The following KCNG2 variants were observed in gnomAD, a reference collection of about 807,000 sequenced individuals.
The protein encoded by KCNG2 is potassium voltage-gated channel modifier subfamily G member 2, also known as voltage-gated potassium channel regulatory subunit KCNG2.
Under a neutral mutation model 12.3 loss-of-function variants are expected in KCNG2, and 7 were observed. That is an observed-to-expected ratio of 0.57 (90% CI 0.32 to 1.07). The LOEUF (loss-of-function observed/expected upper bound fraction) is 1.07. Among genes scored for constraint, KCNG2 ranks in the 50% least tolerant of loss-of-function variants. KCNG2 has a pLI of 0.04. For synonymous variants in KCNG2, 414 were observed against 351.4 expected, an observed-to-expected ratio of 1.18 and a Z score of -1.99; for missense variants, 703 against 726.0, an observed-to-expected ratio of 0.97 and a Z score of 0.36.
intron 3 of KCNG2, among the ~76,000 whole-genome samples, chr18:79,874,076 G>A (rs1979971154): frequency 6.6e-6 from 1 of 152,224 alleles, no homozygotes; most frequent in Non-Finnish European, 1.5e-5. Context: ...CCAGGCAGGC[G>A]CTGTCTCCTG....
At chr18:79,892,546 G>A (rs1980779889) in intron 3 of KCNG2, among the ~76,000 whole-genome samples, 1 of 152,178 alleles carries the variant, frequency 6.6e-6, no homozygotes, top group African/African-American at 2.4e-5. Flanking sequence ...ATATAGTTGG[G>A]TCTGTGTCTG....
intron 1 of KCNG2, among the ~76,000 whole-genome samples, chr18:79,835,925 T>C (rs1978321663): frequency 6.6e-6 from 1 of 152,180 alleles, no homozygotes; most frequent in Non-Finnish European, 1.5e-5. Context: ...AATTGTCAAA[T>C]AGTGAAGTAA....
intron 1 of KCNG2, among the ~76,000 whole-genome samples, chr18:79,806,394 A>T (rs1333966224): frequency 6.6e-6 from 1 of 152,130 alleles, no homozygotes. Context: ...TGGGGCCATC[A>T]GCAAGCCCCC....
rs2087476982 is a variant in KCNG2 at position 79,809,530 on chromosome 18, G to A, written c.-115+11516G>A. Reference sequence around the variant, plus strand: ...TCTGAGGAGCTGCCGGGGCCGCGCTGACCACACTCCACGTTACCGGCCCAG... The same window carrying A: ...TCTGAGGAGCTGCCGGGGCCGCGCTAACCACACTCCACGTTACCGGCCCAG... On this transcript the variant is annotated intron_variant, in intron 1 of 3. Transcript: ENST00000316249. 1.9e-5 allele frequency among the ~76,000 whole-genome samples: 2 copies of A among 103,444 alleles called. 1 individual carries two copies. Among genetic ancestry groups the A allele is most frequent in the African/African-American group, 7.7e-5 (2 of 26,104 alleles). 67.9% of individuals were successfully genotyped at this position (103,444 alleles called of 152,430 possible).
chr18:79,867,776 CG>C (rs1197610139), intron 3 of KCNG2, among the ~76,000 whole-genome samples: 1 of 152,006 alleles, frequency 6.6e-6, no homozygotes, highest in Non-Finnish European at 1.5e-5. Flanking sequence ...AGGTGGGGGT[CG>C]GGCACCCCTC....
At chr18:79,897,809 C>T (rs780308260) in intron 3 of KCNG2, among the ~76,000 whole-genome samples, 3 of 152,102 alleles carry the variant, frequency 2.0e-5, no homozygotes, top group Admixed American at 1.3e-4. Flanking sequence ...GCAACAGTCT[C>T]GGTGTCGAAG....
Position 79,899,919 on chromosome 18 carries a change from C to A in KCNG2, c.*103C>A. The A allele has an allele frequency of 1.8e-6, 2 of 1,105,712 alleles. No homozygotes were observed. Among genetic ancestry groups the A allele is most frequent in the Admixed American group, 8.7e-5 (2 of 22,976 alleles). 68.5% of individuals were successfully genotyped at this position (1,105,712 alleles called of 1,614,324 possible). On this transcript the variant is annotated 3_prime_UTR_variant, in exon 4 of 4. Transcript: ENST00000316249. ...GGGGGCGTCTGGCCTGGGGGAGCGG[C>A]TCCTGCCGGCCGCGTCCTCGGCCCT...
rs1446682479 is a variant in KCNG2 at position 79,798,031 on chromosome 18, C to T, written c.-115+17C>T. 1.6e-5 allele frequency among the ~76,000 whole-genome samples: 2 copies of T among 125,972 alleles called. No homozygotes were observed. The highest frequency in any genetic ancestry group is 3.4e-5 in the Non-Finnish European group (2 of 58,820). 82.6% of individuals were successfully genotyped at this position (125,972 alleles called of 152,430 possible). ...GGACCGCAGGTAAAGTTGAGCGCGC[C>T]GTGGGGCCGGGGGTGGGGGGTCCGC... On this transcript the variant is annotated intron_variant, in intron 1 of 3. Coordinates refer to ENST00000316249, the MANE Select transcript of KCNG2 (RefSeq NM_012283.2).
At chr18:79,893,323 T>C (rs1980816177) in intron 3 of KCNG2, among the ~76,000 whole-genome samples, 1 of 152,074 alleles carries the variant, frequency 6.6e-6, no homozygotes, top group South Asian at 2.1e-4. Flanking sequence ...TTTGACTGGG[T>C]TGTTCACTCC....
At chr18:79,818,327 C>T (rs1051600717) in intron 1 of KCNG2, among the ~76,000 whole-genome samples, 6 of 152,240 alleles carry the variant, frequency 3.9e-5, no homozygotes, top group East Asian at 1.9e-4. Context: ...CCAAGAGGGG[C>T]GTGGAGGCTG....
intron 1 of KCNG2, among the ~76,000 whole-genome samples, chr18:79,845,082 G>T (rs1426016016): frequency 6.6e-6 from 1 of 152,160 alleles, no homozygotes; most frequent in African/African-American, 2.4e-5. Flanking sequence ...ATACTACTCT[G>T]CAGTAAAAAG....
chr18:79,806,089 C>T lies in KCNG2; in HGVS notation c.-115+8075C>T, dbSNP rs2087447435. Among the ~76,000 whole-genome samples the T allele has an allele frequency of 2.6e-5, 4 of 152,224 alleles. No homozygotes were observed. The South Asian group carries it at 8.3e-4, about 31-fold the overall frequency. ...CACAGGTGGTGGGAGTCTGTCCTCT[C>T]CCTGCCAGGGTGCAGGACAGCAGGT... is the stretch of plus-strand genomic sequence containing the variant. On this transcript the variant is annotated intron_variant, in intron 1 of 3. Coordinates refer to ENST00000316249, the MANE Select transcript of KCNG2 (RefSeq NM_012283.2).
intron 1 of KCNG2, among the ~76,000 whole-genome samples, chr18:79,833,969 G>A (rs1568250585): frequency 6.6e-6 from 1 of 152,248 alleles, no homozygotes; most frequent in Non-Finnish European, 1.5e-5. Flanking sequence ...CACAGCTCCT[G>A]AGACAGGGCA....
intron 3 of KCNG2, chr18:79,876,193 A>G (rs901807749): frequency 6.6e-6 from 1 of 152,392 alleles, no homozygotes; most frequent in Non-Finnish European, 1.5e-5. Flanking sequence ...ATCACAGTGA[A>G]GCTGGACTGA....
chr18:79,867,817 G>A (rs1456400028), intron 3 of KCNG2, among the ~76,000 whole-genome samples: 1 of 152,136 alleles, frequency 6.6e-6, no homozygotes, highest in Non-Finnish European at 1.5e-5. Context: ...TGGACTGCGT[G>A]GAGACCCCTC....
chr18:79,811,773 G>A (rs1389948558), intron 1 of KCNG2, among the ~76,000 whole-genome samples: 1 of 152,116 alleles, frequency 6.6e-6, no homozygotes, highest in Admixed American at 6.5e-5. Context: ...AGAAATGAAA[G>A]ATATAAAAAA....
chr18:79,882,932 C>G (rs555209807), intron 3 of KCNG2, among the ~76,000 whole-genome samples: 10 of 152,328 alleles, frequency 6.6e-5, no homozygotes, highest in Admixed American at 2.6e-4. Flanking sequence ...GGTACACCTG[C>G]GCTCATCGCA....
intron 1 of KCNG2, among the ~76,000 whole-genome samples, chr18:79,848,896 C>A (rs1164182341): frequency 1.3e-5 from 2 of 152,198 alleles, no homozygotes; most frequent in Non-Finnish European, 1.5e-5. Flanking sequence ...CCTCGGTCCG[C>A]ATGGGGCCCT....
intron 1 of KCNG2, among the ~76,000 whole-genome samples, chr18:79,829,060 CTGTG>C (rs1228741393): frequency 3.2e-4 from 25 of 78,528 alleles, no homozygotes; most frequent in African/African-American, 9.1e-4. Context: ...TGTAACGTGT[CTGTG>C]TGTGCATGTG....
Sources: allele counts gnomAD v4.1 joint callset (sites outside exome capture counted in the v4.1 genomes callset), GRCh38; gene constraint gnomAD v4.1.1; transcripts MANE v1.5; gene names NCBI Gene and HGNC (gene_info 2026-07-23, HGNC 2026-07-21).